GAS2L3: variants seen among roughly 807,000 people sequenced by gnomAD.
GAS2L3 encodes the protein GAS2-like protein 3.
In GAS2L3, 28 loss-of-function variants were observed where a neutral mutation model predicts 37.0. The ratio of observed to expected loss-of-function variants is 0.76; its 90% CI spans 0.56 to 1.04. The LOEUF is 1.04. Among genes scored for constraint, GAS2L3 ranks in the 50% least tolerant of loss-of-function variants. GAS2L3 has a pLI of 0.00. For missense variants in GAS2L3, 793 were observed against 817.6 expected, an observed-to-expected ratio of 0.97 and a Z score of 0.37; for synonymous variants, 290 against 296.6, an observed-to-expected ratio of 0.98 and a Z score of 0.23.
In GAS2L3 at chr12:100,625,376, C is replaced by A. The variant is rs1486178000; in HGVS notation, c.*486C>A. 1 of 152,942 alleles carries A rather than the reference C, an allele frequency of 6.5e-6. No homozygotes were observed. Among genetic ancestry groups the A allele is most frequent in the East Asian group, 1.9e-4 (1 of 5,212 alleles). 9.5% of individuals were successfully genotyped at this position (152,942 alleles called of 1,614,324 possible). Reference sequence around the variant, plus strand: ...AAGGCACCTAATTTAATTTTCTGATCAGGATTGCCTGATCCAACAGTGCTA... The same window carrying A: ...AAGGCACCTAATTTAATTTTCTGATAAGGATTGCCTGATCCAACAGTGCTA... On this transcript the variant is annotated 3_prime_UTR_variant, in exon 10 of 10. Coordinates refer to ENST00000547754, the MANE Select transcript of GAS2L3 (RefSeq NM_174942.3).
chr12:100,622,477 A>G (rs1565814372), intron 9 of GAS2L3, 95 bp downstream of exon 9: 11 of 605,718 alleles, frequency 1.8e-5, no homozygotes, highest in Non-Finnish European at 5.8e-6. Context: ...TTACTTTTAA[A>G]AACATTGGAA....
chr12:100,623,708 T>C lies in GAS2L3; in HGVS notation c.903T>C (p.Asn301=). 2 of 1,614,044 alleles carry C rather than the reference T, an allele frequency of 1.2e-6. No homozygotes were observed. The highest frequency in any genetic ancestry group is 1.7e-6 in the Non-Finnish European group (2 of 1,179,960). ...TAGCATTTCAAAAAGGAGTTTCTAA[T>C]GAAAGTGTACCTGATTCGCCTGCCA... The part of the protein sequence containing the change: ...KILAFQKGVS[N]ESVPDSPART... The change falls in exon 10 of 10, where the codon AAT becomes AAC. Residue 301 remains asparagine, a synonymous_variant. Transcript: ENST00000547754.
At chr12:100,584,446 C>G (rs1381026180) in intron 1 of GAS2L3, among the ~76,000 whole-genome samples, 2 of 152,162 alleles carry the variant, frequency 1.3e-5, no homozygotes, top group Non-Finnish European at 2.9e-5. Context: ...TTCCATTTCC[C>G]TCAGATGATG....
intron 1 of GAS2L3, among the ~76,000 whole-genome samples, chr12:100,575,639 C>T (rs1388195388): frequency 6.6e-6 from 1 of 151,862 alleles, no homozygotes; most frequent in African/African-American, 2.4e-5. Flanking sequence ...TGCCACTACG[C>T]CCAGCTGATT....
At position 100,623,825 on chromosome 12, in the gene GAS2L3, A is replaced by G. The variant is rs1352880690; in HGVS notation, c.1020A>G (p.Pro340=). ...AACCCAGCGTGCCAGTTAGTATTCCAAAAAGCAAAGAAAAACAGGGACGTC... is the reference window on the plus strand; with the variant it reads ...AACCCAGCGTGCCAGTTAGTATTCCGAAAAGCAAAGAAAAACAGGGACGTC... ...NSKPSVPVSI[P]KSKEKQGRPP... is the part of the protein sequence containing the mutation. The change falls in exon 10 of 10, where the codon CCA becomes CCG. Residue 340 remains proline, a synonymous_variant. Transcript: ENST00000547754. The G allele has an allele frequency of 1.2e-6, 2 of 1,613,984 alleles. No homozygotes were observed. Among genetic ancestry groups the G allele is most frequent in the African/African-American group, 2.7e-5 (2 of 74,914 alleles).
chr12:100,614,301 A>T (rs1027436690), intron 6 of GAS2L3, among the ~76,000 whole-genome samples: 1 of 151,882 alleles, frequency 6.6e-6, no homozygotes. Context: ...CCGTCTCTAC[A>T]AAAATACAAA....
At position 100,623,848 on chromosome 12, in the gene GAS2L3, G is replaced by A. The variant is rs182287219; in HGVS notation, c.1043G>A (p.Arg348His). 3.4e-5 allele frequency: 55 copies of A among 1,613,896 alleles called. No individual in the cohort carries two copies. The highest frequency in any genetic ancestry group is 1.7e-4 in the Admixed American group (10 of 59,970). The change falls in exon 10 of 10, where the codon CGT (arginine) becomes CAT (histidine). Residue 348 changes from arginine to histidine, a missense_variant. Physicochemically the swap from Arg to His is conservative, Grantham distance 29. Transcript: ENST00000547754. ...SIPKSKEKQG[R>H]PPGALVPASS... is the part of the protein sequence containing the mutation. ...CCAAAAAGCAAAGAAAAACAGGGAC[G>A]TCCACCAGGTGCATTGGTGCCAGCA...
At chr12:100,588,688 T>A (rs1156359438) in intron 1 of GAS2L3, among the ~76,000 whole-genome samples, 1 of 152,092 alleles carries the variant, frequency 6.6e-6, no homozygotes, top group Non-Finnish European at 1.5e-5. Flanking sequence ...CATATCTCTG[T>A]CCTTATCTCA....
At position 100,620,790 on chromosome 12, in the gene GAS2L3, G is replaced by T. The variant is rs146161019; in HGVS notation, c.649-1485G>T. On this transcript the variant is annotated intron_variant, in intron 8 of 9. Transcript: ENST00000547754. Reference sequence around the variant, plus strand: ...TACAGACAGAAAGTGGTGACTAAAAGATATATCTCCTTTCAGATTACTTTG... The same window carrying T: ...TACAGACAGAAAGTGGTGACTAAAATATATATCTCCTTTCAGATTACTTTG... Among the ~76,000 whole-genome samples the T allele has an allele frequency of 2.6e-5, 4 of 151,950 alleles. No individual in the cohort carries two copies. The East Asian group carries it at 7.7e-4, about 29-fold the overall frequency.
At chr12:100,619,553 A>G (rs1956228717) in intron 8 of GAS2L3, among the ~76,000 whole-genome samples, 1 of 152,100 alleles carries the variant, frequency 6.6e-6, no homozygotes, top group Non-Finnish European at 1.5e-5. Flanking sequence ...TAACCTTGCA[A>G]GACAGATTAA....
intron 6 of GAS2L3, chr12:100,612,498 C>T (rs182567093): frequency 1.3e-3 from 255 of 199,720 alleles, no homozygotes; most frequent in Admixed American, 2.6e-3. Flanking sequence ...ACGGAAATGA[C>T]AGGAGGCCTA....
Position 100,619,645 on chromosome 12 carries a change from T to C in GAS2L3, c.648+1058T>C, listed in dbSNP as rs900300646. Among the ~76,000 whole-genome samples, 3 of 152,030 alleles carry C rather than the reference T, an allele frequency of 2.0e-5. No individual in the cohort carries two copies. The East Asian group carries it at 5.8e-4, about 29-fold the overall frequency. Reference sequence around the variant, plus strand: ...CTATTCATGTGTGTGTGTGTATATATATATAATGATTGTCAATATCAATAT... The same window carrying C: ...CTATTCATGTGTGTGTGTGTATATACATATAATGATTGTCAATATCAATAT... On this transcript the variant is annotated intron_variant, in intron 8 of 9. Transcript: ENST00000547754.
At chr12:100,578,343 C>A (rs958923083) in intron 1 of GAS2L3, among the ~76,000 whole-genome samples, 1 of 152,078 alleles carries the variant, frequency 6.6e-6, no homozygotes. Context: ...ACACAGGCAG[C>A]CTCTGTAAAC....
rs754501320 is a variant in GAS2L3, at chr12:100,624,122, C to G, written c.1317C>G (p.Pro439=). The change falls in exon 10 of 10, where the codon CCC becomes CCG. Residue 439 remains proline (P), a synonymous_variant. Coordinates refer to ENST00000547754, the MANE Select transcript of GAS2L3 (RefSeq NM_174942.3). ...SESPRKCISS[P]NTPKAKVIPA... ...CACCGAGAAAATGTATTTCATCCCC[C>G]AATACCCCCAAGGCCAAGGTTATTC... is the stretch of plus-strand genomic sequence containing the variant. The G allele has an allele frequency of 2.5e-6, 4 of 1,613,788 alleles. No homozygotes were observed. In the East Asian group the frequency reaches 6.7e-5, roughly 27 times the overall value.
intron 7 of GAS2L3, 76 bp downstream of exon 7, chr12:100,617,883 A>G (rs1407697995): frequency 1.5e-5 from 12 of 801,180 alleles, no homozygotes; most frequent in Admixed American, 2.3e-5. Context: ...TTAGAACACT[A>G]TTTTCTATAA....
chr12:100,585,409 C>T (rs1955767631), intron 1 of GAS2L3, among the ~76,000 whole-genome samples: 1 of 151,934 alleles, frequency 6.6e-6, no homozygotes, highest in Non-Finnish European at 1.5e-5. Flanking sequence ...GTGCCCACCA[C>T]CACACCTGGC....
intron 1 of GAS2L3, among the ~76,000 whole-genome samples, chr12:100,574,944 A>G (rs1305880155): frequency 4.0e-5 from 6 of 151,642 alleles, no homozygotes; most frequent in East Asian, 3.9e-4. Flanking sequence ...ATTGAACAGT[A>G]GGTGTTTGCT....
At chr12:100,610,093 G>A (rs554792446) in intron 5 of GAS2L3, among the ~76,000 whole-genome samples, 3 of 152,298 alleles carry the variant, frequency 2.0e-5, no homozygotes, top group South Asian at 2.1e-4. Flanking sequence ...GACGAATGGC[G>A]TAGGTTTGTA....
chr12:100,574,816 T>C (rs1487953550), intron 1 of GAS2L3, among the ~76,000 whole-genome samples: 1 of 152,210 alleles, frequency 6.6e-6, no homozygotes, highest in East Asian at 1.9e-4. Flanking sequence ...AGATTCCCTT[T>C]GGGAACAAAT....
Sources: gnomAD v4.1 joint callset for allele counts (sites outside exome capture counted in the v4.1 genomes callset) on GRCh38, gnomAD v4.1.1 for gene constraint, MANE v1.5 for transcripts, NCBI Gene and HGNC (gene_info 2026-07-23, HGNC 2026-07-21) for gene names.